Variants in GRID2 observed in about 807,000 individuals in gnomAD.
The protein encoded by GRID2 is glutamate receptor ionotropic, delta-2.
A neutral mutation model predicts 114.8 loss-of-function variants in GRID2; 33 were observed. That is an observed-to-expected ratio of 0.29 (90% CI 0.22 to 0.38). The LOEUF is 0.38. GRID2 is among the 10% of genes least tolerant of loss of function. The probability of loss-of-function intolerance (pLI) is 1.00; values close to 1 mark genes in which losing one functional copy is unlikely to be tolerated. For missense variants in GRID2, 1,184 were observed against 1,257.7 expected, an observed-to-expected ratio of 0.94 and a Z score of 0.89; for synonymous variants, 505 against 449.9, an observed-to-expected ratio of 1.12 and a Z score of -1.55.
At chr4:92,679,450 TCTTA>T (rs1486473221) in intron 2 of GRID2, among the ~76,000 whole-genome samples, 3 of 152,084 alleles carry the variant, frequency 2.0e-5, no homozygotes, top group African/African-American at 7.2e-5. Flanking sequence ...AAATCTTCCA[TCTTA>T]CTTTTCAGAT....
In GRID2 at chr4:92,485,325, TATATATATATATATATATATATA is replaced by T. The variant is rs1195333841; in HGVS notation, c.89-104805_89-104783del. ...GCATATATATATATATATATATATA[TATATATATATATATATATATATA>T]GTGTGTGTGTGTGTGTGTGTGAGTG... On this transcript the variant is annotated intron_variant, in intron 1 of 15. Coordinates refer to ENST00000282020, the MANE Select transcript of GRID2 (RefSeq NM_001510.4). Among the ~76,000 whole-genome samples, 7 of 109,830 alleles carry T rather than the reference TATATATATATATATATATATATA, an allele frequency of 6.4e-5. No individual in the cohort carries two copies. In the East Asian group the frequency reaches 7.8e-4, roughly 12 times the overall value. 72.1% of individuals were successfully genotyped at this position (109,830 alleles called of 152,430 possible). A position where few individuals can be genotyped will look rare whatever the true frequency, so the allele number is the denominator to read the frequency against.
At chr4:93,743,123 G>C (rs1313282620) in intron 14 of GRID2, among the ~76,000 whole-genome samples, 1 of 152,192 alleles carries the variant, frequency 6.6e-6, no homozygotes, top group Non-Finnish European at 1.5e-5. Context: ...AATTGGTCTG[G>C]ATAGAAGATC....
intron 13 of GRID2, among the ~76,000 whole-genome samples, chr4:93,579,459 C>A (rs1159142173): frequency 6.6e-6 from 1 of 151,764 alleles, no homozygotes; most frequent in Non-Finnish European, 1.5e-5. Flanking sequence ...GGGAAATGAC[C>A]CCAAATCACC....
At chr4:93,233,745 CA>C (rs1336275398) in intron 7 of GRID2, among the ~76,000 whole-genome samples, 3 of 152,086 alleles carry the variant, frequency 2.0e-5, no homozygotes, top group Non-Finnish European at 1.5e-5. Flanking sequence ...GACTGCATGA[CA>C]GAACACCAAT....
At chr4:93,648,476 C>T (rs1000674835) in intron 14 of GRID2, among the ~76,000 whole-genome samples, 3 of 152,170 alleles carry the variant, frequency 2.0e-5, no homozygotes, top group Admixed American at 1.3e-4. Context: ...TGTACATCCT[C>T]AAGACCTTGA....
At chr4:92,908,917 A>G (rs1438465713) in intron 2 of GRID2, among the ~76,000 whole-genome samples, 1 of 152,144 alleles carries the variant, frequency 6.6e-6, no homozygotes, top group East Asian at 1.9e-4. Context: ...AACAAAATGG[A>G]TGAGACTATG....
intron 1 of GRID2, among the ~76,000 whole-genome samples, chr4:92,436,196 A>G (rs1410256590): frequency 6.6e-6 from 1 of 152,146 alleles, no homozygotes; most frequent in East Asian, 1.9e-4. Context: ...GAGGATAAAT[A>G]ATGGCAATGT....
intron 2 of GRID2, among the ~76,000 whole-genome samples, chr4:92,715,032 G>A (rs528196288): frequency 3.2e-4 from 48 of 152,224 alleles, no homozygotes; most frequent in African/African-American, 1.1e-3. Context: ...GTCAGGTTGC[G>A]AATTTTCCAA....
intron 4 of GRID2, among the ~76,000 whole-genome samples, chr4:93,139,480 T>G (rs1463928746): frequency 2.0e-5 from 3 of 152,158 alleles, no homozygotes; most frequent in Non-Finnish European, 4.4e-5. Flanking sequence ...ATAGAAAGTT[T>G]CCTAAAACAA....
At chr4:93,774,732 T>C (rs1734322966), downstream of GRID2, among the ~76,000 whole-genome samples, 1 of 152,174 alleles carries the variant, frequency 6.6e-6, no homozygotes, top group South Asian at 2.1e-4. Flanking sequence ...TACTAAGTGA[T>C]GTCTTAAACC....
intron 13 of GRID2, among the ~76,000 whole-genome samples, chr4:93,574,070 AT>A (rs1386824377): frequency 6.6e-6 from 1 of 152,128 alleles, no homozygotes; most frequent in Non-Finnish European, 1.5e-5. Context: ...TTACCTTTAC[AT>A]TTGTATTTTC....
intron 9 of GRID2, among the ~76,000 whole-genome samples, chr4:93,411,275 A>G (rs1767103231): frequency 6.6e-6 from 1 of 152,178 alleles, no homozygotes; most frequent in African/African-American, 2.4e-5. Context: ...AAAAGTTTTT[A>G]AAGTACCCAG....
chr4:92,467,767 A>T (rs1560650637), intron 1 of GRID2, among the ~76,000 whole-genome samples: 1 of 152,074 alleles, frequency 6.6e-6, no homozygotes, highest in African/African-American at 2.4e-5. Context: ...TAATGCAGTG[A>T]TCAATGAAAG....
intron 8 of GRID2, chr4:93,258,964 C>A: frequency 2.2e-6 from 1 of 454,218 alleles, no homozygotes; most frequent in Non-Finnish European, 4.4e-6. Context: ...TTAATAAGGA[C>A]TGATGTGCTG....
chr4:93,359,936 G>A (rs12500058), intron 8 of GRID2, among the ~76,000 whole-genome samples: 138,329 of 141,006 alleles, frequency 0.98, 67,858 homozygotes, highest in East Asian at 1. Context: ...ACCATTTGAA[G>A]CATCACTTCT....
At chr4:93,091,539 G>C (rs1429827642) in intron 3 of GRID2, among the ~76,000 whole-genome samples, 1 of 152,062 alleles carries the variant, frequency 6.6e-6, no homozygotes, top group Non-Finnish European at 1.5e-5. Flanking sequence ...AATTGTAGGG[G>C]TCTGTGAATG....
chr4:92,524,070 T>A (rs1334615610), intron 1 of GRID2, among the ~76,000 whole-genome samples: 1 of 151,930 alleles, frequency 6.6e-6, no homozygotes, highest in African/African-American at 2.4e-5. Flanking sequence ...TGTATAGGGG[T>A]TAAGAGGAAG....
chr4:93,668,784 A>T (rs1366144601), intron 14 of GRID2, among the ~76,000 whole-genome samples: 1 of 152,086 alleles, frequency 6.6e-6, no homozygotes, highest in Non-Finnish European at 1.5e-5. Flanking sequence ...TTTTGAAGTA[A>T]ATCTTAAAGG....
intron 2 of GRID2, among the ~76,000 whole-genome samples, chr4:92,776,906 A>G (rs2149355924): frequency 6.6e-6 from 1 of 152,202 alleles, no homozygotes; most frequent in Non-Finnish European, 1.5e-5. Flanking sequence ...GAATTTAATT[A>G]TGAAAGAGAG....
Sources: allele counts gnomAD v4.1 joint callset (sites outside exome capture counted in the v4.1 genomes callset), GRCh38; gene constraint gnomAD v4.1.1; transcripts MANE v1.5; gene names NCBI Gene and HGNC (gene_info 2026-07-23, HGNC 2026-07-21).